SPAM1: variants seen among roughly 807,000 people sequenced by gnomAD.
SPAM1 encodes the protein sperm adhesion molecule 1, also known as hyaluronidase PH-20.
In SPAM1, 22 loss-of-function variants were observed where a neutral mutation model predicts 29.6. That is an observed-to-expected ratio of 0.74 (90% CI 0.53 to 1.06). The LOEUF (loss-of-function observed/expected upper bound fraction) is 1.06. Ranked by LOEUF, SPAM1 falls within the 50% of genes least tolerant of loss-of-function variation. The pLI is 0.00. For missense variants in SPAM1, 534 were observed against 604.0 expected, an observed-to-expected ratio of 0.88 and a Z score of 1.21; for synonymous variants, 194 against 204.6, an observed-to-expected ratio of 0.95 and a Z score of 0.44.
At chr7:123,968,646 G>A (rs1319181326) in intron 5 of SPAM1, among the ~76,000 whole-genome samples, 1 of 151,890 alleles carries the variant, frequency 6.6e-6, no homozygotes, top group Non-Finnish European at 1.5e-5. Flanking sequence ...AAAAAGATAA[G>A]GGCAGTGTCT....
At chr7:123,937,239 A>G (rs992080206) in intron 1 of SPAM1, among the ~76,000 whole-genome samples, 6 of 152,208 alleles carry the variant, frequency 3.9e-5, no homozygotes, top group Non-Finnish European at 7.3e-5. Context: ...AGCCATAATA[A>G]GCAATATTTA....
chr7:123,948,443 C>T (rs1309862005), intron 1 of SPAM1, among the ~76,000 whole-genome samples: 8 of 152,144 alleles, frequency 5.3e-5, no homozygotes, highest in Non-Finnish European at 1.2e-4. Context: ...ATGATTCCCA[C>T]ATTATGTACA....
intron 5 of SPAM1, among the ~76,000 whole-genome samples, chr7:123,967,488 A>T (rs1792442513): frequency 2.0e-5 from 3 of 151,996 alleles, no homozygotes; most frequent in Non-Finnish European, 4.4e-5. Context: ...AAGTGATTAG[A>T]TATTCCCTGT....
intron 1 of SPAM1, among the ~76,000 whole-genome samples, chr7:123,941,118 A>T (rs1449039297): frequency 6.6e-6 from 1 of 152,134 alleles, no homozygotes; most frequent in Non-Finnish European, 1.5e-5. Context: ...TTCATTATTT[A>T]TTTGGCTCTT....
intron 1 of SPAM1, chr7:123,925,992 G>C (rs1807869885): frequency 6.6e-6 from 1 of 152,034 alleles, no homozygotes; most frequent in Non-Finnish European, 1.5e-5. Context: ...ATTGACTTGA[G>C]AATGTGAAAG....
In SPAM1 at chr7:123,953,514, G is replaced by T; in HGVS notation, c.-57G>T. 1 of 1,126,060 alleles carries T rather than the reference G, an allele frequency of 8.9e-7. No homozygotes were observed. Among genetic ancestry groups the T allele is most frequent in the East Asian group, 2.4e-5 (1 of 41,202 alleles). 69.8% of individuals were successfully genotyped at this position (1,126,060 alleles called of 1,614,324 possible). ...GTGCTCATACTTTGCATCAGATATT[G>T]GGTAAACCAAAGTGTGTAGGAAGAA... On this transcript the variant is annotated 5_prime_UTR_variant, in exon 3 of 5. Transcript: ENST00000682466.
At chr7:123,950,327 A>T (rs1243927997) in intron 2 of SPAM1, among the ~76,000 whole-genome samples, 1 of 152,080 alleles carries the variant, frequency 6.6e-6, no homozygotes, top group African/African-American at 2.4e-5. Flanking sequence ...TATATTGCAT[A>T]ATGGTAGGGT....
At chr7:123,935,698 C>A (rs1808226929) in intron 1 of SPAM1, among the ~76,000 whole-genome samples, 1 of 152,116 alleles carries the variant, frequency 6.6e-6, no homozygotes, top group Non-Finnish European at 1.5e-5. Context: ...GTGTCAGCCT[C>A]CAAAGTTTTT....
At chr7:123,964,507 A>G (rs147193923), downstream of SPAM1, among the ~76,000 whole-genome samples, 1 of 151,820 alleles carries the variant, frequency 6.6e-6, no homozygotes, top group Non-Finnish European at 1.5e-5. Context: ...TAAATTTTTG[A>G]CTTTTTAAAA....
At chr7:123,946,016 C>G (rs1808566819) in intron 1 of SPAM1, among the ~76,000 whole-genome samples, 1 of 152,110 alleles carries the variant, frequency 6.6e-6, no homozygotes, top group African/African-American at 2.4e-5. Context: ...GACCAGCTGA[C>G]TGTTAATCAC....
chr7:123,953,634 C>T lies in SPAM1; in HGVS notation c.64C>T (p.Gln22Ter), dbSNP rs568983379. The change falls in exon 3 of 5, where the codon CAG becomes TAG. Residue 22 changes from glutamine to a stop codon, truncating the protein, a stop_gained. Coordinates refer to ENST00000682466, the MANE Select transcript of SPAM1 (RefSeq NM_153189.3). LOFTEE classifies it high-confidence loss of function. ...RSFVKSSGVS[Q>*]IVFTFLLIPC... ...CTTTGTTAAATCAAGTGGAGTATCC[C>T]AGATAGTTTTCACCTTCCTTCTGAT... The T allele has an allele frequency of 8.7e-6, 14 of 1,612,394 alleles. No homozygotes were observed. The South Asian group carries it at 1.5e-4, about 18-fold the overall frequency.
chr7:123,950,669 A>G lies in SPAM1; in HGVS notation c.-207+686A>G, dbSNP rs1808730291. Among the ~76,000 whole-genome samples the G allele has an allele frequency of 1.3e-5, 2 of 152,100 alleles. 1 individual carries two copies. Among genetic ancestry groups the G allele is most frequent in the Admixed American group, 1.3e-4 (2 of 15,266 alleles). ...TTCTTTTTCCAATCCACCAATGAGG[A>G]ACACTTAGGTTGATTCCATGACTTT... On this transcript the variant is annotated intron_variant, in intron 2 of 4. Transcript: ENST00000682466.
chr7:123,955,189 A>T, intron 4 of SPAM1, 103 bp downstream of exon 4: 1 of 783,378 alleles, frequency 1.3e-6, no homozygotes, highest in Non-Finnish European at 2.2e-6. Context: ...TATGCTTGGC[A>T]TGTAGTAATA....
chr7:123,941,738 G>A (rs1437949398), intron 1 of SPAM1, among the ~76,000 whole-genome samples: 2 of 152,194 alleles, frequency 1.3e-5, no homozygotes, highest in African/African-American at 2.4e-5. Flanking sequence ...TTGGCTTAGT[G>A]ATTTGGGCGT....
intron 3 of SPAM1, 45 bp from the exon 4 acceptor site, chr7:123,954,952 T>G: frequency 1.5e-6 from 2 of 1,369,666 alleles, no homozygotes. Flanking sequence ...GTATAGCACT[T>G]TCATTTCATT....
downstream of SPAM1, among the ~76,000 whole-genome samples, chr7:123,963,857 G>T (rs945899845): frequency 2.0e-5 from 3 of 151,880 alleles, no homozygotes; most frequent in Non-Finnish European, 4.4e-5. Context: ...AAGGTCAATT[G>T]TTTAGAAGAC....
At chr7:123,950,716 A>G (rs946147079) in intron 2 of SPAM1, among the ~76,000 whole-genome samples, 4 of 152,158 alleles carry the variant, frequency 2.6e-5, no homozygotes, top group Non-Finnish European at 5.9e-5. Flanking sequence ...TAGTGCTACA[A>G]TGAAGATTTG....
rs1807843942 is a variant in SPAM1, at chr7:123,925,314, A to G, written c.-357A>G. Reference sequence around the variant, plus strand: ...AATTCAGAAAGTATGATAGCAGTGTAGGTGGTTAGCAGCACCTCATAAGGT... The same window carrying G: ...AATTCAGAAAGTATGATAGCAGTGTGGGTGGTTAGCAGCACCTCATAAGGT... On this transcript the variant is annotated 5_prime_UTR_variant, in exon 1 of 5. An upstream open reading frame in the 5' UTR loses its in-frame stop. Transcript: ENST00000682466. 1 of 152,196 alleles carries G rather than the reference A, an allele frequency of 6.6e-6. No homozygotes were observed. Among genetic ancestry groups the G allele is most frequent in the Non-Finnish European group, 1.5e-5 (1 of 68,058 alleles). The allele number at this position is 152,196 out of a possible 1,614,324, so 9.4% of individuals were successfully genotyped here. A position where few individuals can be genotyped will look rare whatever the true frequency, so the allele number is the denominator to read the frequency against.
chr7:123,967,136 A>G (rs906011776), intron 5 of SPAM1, among the ~76,000 whole-genome samples: 1 of 151,960 alleles, frequency 6.6e-6, no homozygotes, highest in African/African-American at 2.4e-5. Context: ...GGGGGCAGTA[A>G]GATAATGGCA....
Sources: allele counts gnomAD v4.1 joint callset (sites outside exome capture counted in the v4.1 genomes callset), GRCh38; gene constraint gnomAD v4.1.1; transcripts MANE v1.5; gene names NCBI Gene and HGNC (gene_info 2026-07-23, HGNC 2026-07-21).